Variants in ADAM29 observed in about 807,000 individuals in gnomAD.
ADAM29 encodes the protein ADAM metallopeptidase domain 29.
For missense variants in ADAM29, 969 were observed against 1,001.8 expected (o/e 0.97, Z 0.44); for synonymous variants, 367 against 342.3 (o/e 1.07, Z -0.80).
At chr4:174,926,018 T>C (rs998106450) in intron 2 of ADAM29, among the ~76,000 whole-genome samples, 2 of 152,232 alleles carry the variant, frequency 1.3e-5, no homozygotes, top group Non-Finnish European at 2.9e-5. Context: ...CTTTATTTCC[T>C]ATTTTGTGTA....
chr4:174,962,286 C>A (rs555772190), intron 4 of ADAM29, among the ~76,000 whole-genome samples: 154 of 152,126 alleles, frequency 1.0e-3, no homozygotes, highest in African/African-American at 3.5e-3. Flanking sequence ...CCGGGGCGGG[C>A]AGATCATGAG....
chr4:174,921,566 G>A (rs1355833495), intron 2 of ADAM29, among the ~76,000 whole-genome samples: 1 of 152,124 alleles, frequency 6.6e-6, no homozygotes, highest in Admixed American at 6.5e-5. Context: ...TATCCAAAAA[G>A]TGAACAGGAA....
chr4:174,931,796 A>G (rs1203815704), intron 3 of ADAM29, among the ~76,000 whole-genome samples: 6 of 145,440 alleles, frequency 4.1e-5, no homozygotes, highest in Admixed American at 3.6e-4. Flanking sequence ...CATAATTTAT[A>G]CCCAGTCTCT....
rs1312030540 is a variant in ADAM29, at chr4:174,931,148, G to A, written c.-288G>A. 1 of 152,180 alleles carries A rather than the reference G, an allele frequency of 6.6e-6. No homozygotes were observed. Among genetic ancestry groups the A allele is most frequent in the African/African-American group, 2.4e-5 (1 of 41,430 alleles). The allele number at this position is 152,180 out of a possible 1,614,324, so 9.4% of individuals were successfully genotyped here. A position where few individuals can be genotyped will look rare whatever the true frequency, so the allele number is the denominator to read the frequency against. ...ATCCAGTCCTCTTTGCGTGGAATCA[G>A]ACCTCTTTTGCAGTGGAAAGGAGCA... On this transcript the variant is annotated 5_prime_UTR_variant, in exon 3 of 5. Transcript: ENST00000359240.
At chr4:174,940,833 A>T (rs1744495779) in intron 4 of ADAM29, among the ~76,000 whole-genome samples, 1 of 152,190 alleles carries the variant, frequency 6.6e-6, no homozygotes, top group Non-Finnish European at 1.5e-5. Context: ...AAATCTATTG[A>T]CCTATGAAAA....
chr4:174,967,549 A>C (rs1479092732), intron 4 of ADAM29, among the ~76,000 whole-genome samples: 1 of 152,172 alleles, frequency 6.6e-6, no homozygotes, highest in Non-Finnish European at 1.5e-5. Flanking sequence ...AATTTCCTTC[A>C]AAAGCTTTTG....
chr4:174,921,344 G>A (rs28436676), intron 2 of ADAM29, among the ~76,000 whole-genome samples: 32,349 of 152,086 alleles, frequency 0.21, 4,712 homozygotes, highest in African/African-American at 0.41. Flanking sequence ...GTGACATTAC[G>A]CACACATGTA....
At chr4:174,940,850 T>G (rs1173220683) in intron 4 of ADAM29, among the ~76,000 whole-genome samples, 1 of 152,244 alleles carries the variant, frequency 6.6e-6, no homozygotes, top group East Asian at 1.9e-4. Context: ...AAAATGATTA[T>G]GCATTCATAA....
chr4:174,938,621 C>T (rs1744332204), intron 4 of ADAM29, among the ~76,000 whole-genome samples: 1 of 152,058 alleles, frequency 6.6e-6, no homozygotes, highest in Admixed American at 6.6e-5. Context: ...CTCAGATGAC[C>T]TTGTTTTAAG....
chr4:174,968,473 G>A (rs1214072383), intron 4 of ADAM29, among the ~76,000 whole-genome samples: 1 of 152,180 alleles, frequency 6.6e-6, no homozygotes. Context: ...CTTGTGTACA[G>A]TGTCTCTCTC....
chr4:174,934,301 T>A (rs142792700), intron 3 of ADAM29, among the ~76,000 whole-genome samples: 2,087 of 152,268 alleles, frequency 0.014, 45 homozygotes, highest in African/African-American at 0.047. Flanking sequence ...ACCTTATATT[T>A]CTCTTTGATA....
chr4:174,949,700 C>A (rs1251367323), intron 4 of ADAM29, among the ~76,000 whole-genome samples: 1 of 151,408 alleles, frequency 6.6e-6, no homozygotes, highest in Non-Finnish European at 1.5e-5. Flanking sequence ...AGATGTTCCT[C>A]CTGGCTGCAG....
At chr4:174,956,494 C>CTG (rs147629496) in intron 4 of ADAM29, among the ~76,000 whole-genome samples, 61,910 of 148,948 alleles carry the variant, frequency 0.42, 13,205 homozygotes, top group African/African-American at 0.53. Context: ...GTGTGTGTGT[C>CTG]TGTGTGTGTG....
intron 4 of ADAM29, among the ~76,000 whole-genome samples, chr4:174,962,540 T>G (rs570540950): frequency 2.0e-3 from 290 of 148,198 alleles, no homozygotes; most frequent in African/African-American, 7.0e-3. Flanking sequence ...ATTTACAGAG[T>G]AGGAGTACTT....
intron 4 of ADAM29, among the ~76,000 whole-genome samples, chr4:174,962,277 C>T (rs553166379): frequency 2.6e-5 from 4 of 151,824 alleles, no homozygotes; most frequent in Admixed American, 1.3e-4. Flanking sequence ...TTTGGGAGGC[C>T]GGGGCGGGCA....
At chr4:174,930,791 G>A (rs968152242) in intron 2 of ADAM29, among the ~76,000 whole-genome samples, 195 bp from the exon 3 acceptor site, 3 of 151,898 alleles carry the variant, frequency 2.0e-5, no homozygotes, top group Non-Finnish European at 4.4e-5. Flanking sequence ...ATTTTCTTCT[G>A]GGAAATTTTA....
At chr4:174,927,432 A>C (rs9992501) in intron 2 of ADAM29, among the ~76,000 whole-genome samples, 63,222 of 152,042 alleles carry the variant, frequency 0.42, 14,274 homozygotes, top group East Asian at 0.69. Context: ...ACTATGTTGA[A>C]TGTTCTAATC....
intron 4 of ADAM29, among the ~76,000 whole-genome samples, chr4:174,949,071 T>C (rs751760218): frequency 2.0e-5 from 3 of 152,120 alleles, no homozygotes; most frequent in African/African-American, 4.8e-5. Flanking sequence ...CATGGTCTTC[T>C]GGCAAAGGAG....
intron 4 of ADAM29, among the ~76,000 whole-genome samples, chr4:174,964,752 A>G (rs1028132538): frequency 8.5e-5 from 13 of 152,252 alleles, no homozygotes; most frequent in African/African-American, 2.4e-4. Flanking sequence ...AAAATTAAAT[A>G]TAAACTTGAG....
Sources: gnomAD v4.1 joint callset for allele counts (sites outside exome capture counted in the v4.1 genomes callset) on GRCh38, gnomAD v4.1.1 for gene constraint, MANE v1.5 for transcripts, NCBI Gene and HGNC (gene_info 2026-07-23, HGNC 2026-07-21) for gene names.